Variants in SOCS6 observed in about 807,000 individuals in gnomAD.
SOCS6 encodes suppressor of cytokine signaling 6.
Under a neutral mutation model 27.7 loss-of-function variants are expected in SOCS6, and 5 were observed. The observed-to-expected ratio is 0.18, with a 90% CI of 0.09 to 0.38. The LOEUF (loss-of-function observed/expected upper bound fraction) is 0.38, where lower values mean the gene tolerates loss of function less well. SOCS6 is among the 10% of genes least tolerant of loss of function. The probability of loss-of-function intolerance (pLI) is 1.00; values close to 1 mark genes in which losing one functional copy is unlikely to be tolerated. For synonymous variants in SOCS6, 271 were observed against 260.0 expected, an observed-to-expected ratio of 1.04 and a Z score of -0.41; for missense variants, 595 against 688.1, an observed-to-expected ratio of 0.86 and a Z score of 1.51.
chr18:70,312,273 T>G (rs887083510), intron 1 of SOCS6, among the ~76,000 whole-genome samples: 1 of 152,216 alleles, frequency 6.6e-6, no homozygotes, highest in African/African-American at 2.4e-5. Flanking sequence ...ATATGTGGTC[T>G]GTATTTACCA....
At chr18:70,290,955 G>A (rs1193076390) in intron 1 of SOCS6, among the ~76,000 whole-genome samples, 1 of 152,182 alleles carries the variant, frequency 6.6e-6, no homozygotes, top group African/African-American at 2.4e-5. Context: ...GGAGTGGCAG[G>A]GAAGGAATTT....
chr18:70,315,336 G>C (rs2062407296), intron 1 of SOCS6, among the ~76,000 whole-genome samples: 1 of 152,002 alleles, frequency 6.6e-6, no homozygotes, highest in African/African-American at 2.4e-5. Flanking sequence ...GTAGCTCCTT[G>C]ATCACTTTCT....
intron 1 of SOCS6, among the ~76,000 whole-genome samples, chr18:70,304,221 G>A (rs1191512096): frequency 2.2e-5 from 3 of 139,204 alleles, no homozygotes; most frequent in East Asian, 4.8e-4. Flanking sequence ...AAGATACAAG[G>A]TCAATGCAAC....
chr18:70,323,395 A>T (rs928025245), intron 1 of SOCS6, among the ~76,000 whole-genome samples: 5 of 152,186 alleles, frequency 3.3e-5, no homozygotes, highest in Non-Finnish European at 7.3e-5. Flanking sequence ...CAGAATTGAA[A>T]TCCTGTCATT....
At chr18:70,289,293 G>T (rs1158787346) in intron 1 of SOCS6, among the ~76,000 whole-genome samples, 1 of 149,150 alleles carries the variant, frequency 6.7e-6, no homozygotes, top group Non-Finnish European at 1.5e-5. Flanking sequence ...GTCTCGGCGG[G>T]TGCGCGGGCG....
intron 1 of SOCS6, among the ~76,000 whole-genome samples, chr18:70,320,367 G>C (rs1910939044): frequency 6.6e-6 from 1 of 152,054 alleles, no homozygotes; most frequent in African/African-American, 2.4e-5. Context: ...TATTCATTGA[G>C]TTTTGATATA....
intron 1 of SOCS6, among the ~76,000 whole-genome samples, chr18:70,294,597 G>A (rs560439402): frequency 2.6e-5 from 4 of 152,336 alleles, no homozygotes; most frequent in East Asian, 3.8e-4. Flanking sequence ...TGTTAAGGAA[G>A]CCTAATGTGG....
chr18:70,305,190 A>G (rs2062364177), intron 1 of SOCS6, among the ~76,000 whole-genome samples: 2 of 152,198 alleles, frequency 1.3e-5, no homozygotes, highest in South Asian at 4.1e-4. Flanking sequence ...CCTGAGCAAC[A>G]GAGCAAGACG....
chr18:70,317,299 G>A (rs778082681), intron 1 of SOCS6, among the ~76,000 whole-genome samples: 1 of 152,148 alleles, frequency 6.6e-6, no homozygotes, highest in South Asian at 2.1e-4. Flanking sequence ...GAGAACATAC[G>A]ATGTTTGATT....
chr18:70,299,219 A>G (rs117672407), intron 1 of SOCS6, among the ~76,000 whole-genome samples: 3,895 of 152,280 alleles, frequency 0.026, 90 homozygotes, highest in South Asian at 0.078. Context: ...GAGTCCCATG[A>G]GACTGCCCCG....
chr18:70,294,190 A>G (rs893353563), intron 1 of SOCS6, among the ~76,000 whole-genome samples: 17 of 151,870 alleles, frequency 1.1e-4, no homozygotes, highest in Admixed American at 9.8e-4. Flanking sequence ...CTAGTATTCT[A>G]CTCCTTTATC....
intron 1 of SOCS6, among the ~76,000 whole-genome samples, chr18:70,296,256 G>A (rs955313991): frequency 6.6e-6 from 1 of 152,158 alleles, no homozygotes; most frequent in Non-Finnish European, 1.5e-5. Context: ...GCCTGGCTGT[G>A]TATAAAATTT....
rs149523306 is a variant in SOCS6 at position 70,302,710 on chromosome 18, T to G, written c.-127+13620T>G. 2.6e-3 allele frequency among the ~76,000 whole-genome samples: 399 copies of G among 152,224 alleles called. 3 individuals are homozygous for G. Among genetic ancestry groups the G allele is most frequent in the African/African-American group, 9.3e-3 (387 of 41,524 alleles). On this transcript the variant is annotated intron_variant, in intron 1 of 1. Transcript: ENST00000397942. Reference sequence around the variant, plus strand: ...GAAAAGCTGGTAGGCTTATCACTCTTGTCATTTAGACTTTGAATATTCAAA... The same window carrying G: ...GAAAAGCTGGTAGGCTTATCACTCTGGTCATTTAGACTTTGAATATTCAAA...
intron 1 of SOCS6, among the ~76,000 whole-genome samples, chr18:70,289,466 C>A (rs1341680416): frequency 6.8e-6 from 1 of 147,288 alleles, no homozygotes; most frequent in African/African-American, 2.4e-5. Context: ...GGCGCGCCGG[C>A]CTGGGCCGCC....
chr18:70,324,801 A>G lies in SOCS6; in HGVS notation c.133A>G (p.Ser45Gly), dbSNP rs765204358. The G allele has an allele frequency of 4.3e-6, 7 of 1,614,106 alleles. No homozygotes were observed. The highest frequency in any genetic ancestry group is 5.9e-6 in the Non-Finnish European group (7 of 1,180,040). The change falls in exon 2 of 2, where the codon AGC (serine) becomes GGC (glycine). Residue 45 changes from serine to glycine, a missense_variant. By Grantham distance (56) the Ser-to-Gly change is moderately conservative (BLOSUM62 0). Transcript: ENST00000397942. ...DFGKDDSLFG[S>G]CYGKDMASCD... Reference sequence around the variant, plus strand: ...TGGAAAAGATGATTCCTTATTTGGTAGCTGCTATGGTAAAGATATGGCCAG... The same window carrying G: ...TGGAAAAGATGATTCCTTATTTGGTGGCTGCTATGGTAAAGATATGGCCAG...
At position 70,326,439 on chromosome 18, in the gene SOCS6, G is replaced by A. The variant is rs1308726644; in HGVS notation, c.*163G>A. On this transcript the variant is annotated 3_prime_UTR_variant, in exon 2 of 2. Transcript: ENST00000397942. ...TTTAGGGGTGGGGAAGTGTCAGCAAGGTGTCTTGGGTTTATTTTGGTTCTT... is the reference window on the plus strand; with the variant it reads ...TTTAGGGGTGGGGAAGTGTCAGCAAAGTGTCTTGGGTTTATTTTGGTTCTT... 1.6e-6 allele frequency: 1 copy of A among 630,704 alleles called. No individual in the cohort carries two copies. Among genetic ancestry groups the A allele is most frequent in the African/African-American group, 1.8e-5 (1 of 54,120 alleles). The allele number at this position is 630,704 out of a possible 1,614,324, so 39.1% of individuals were successfully genotyped here.
At chr18:70,313,941 G>T (rs987032429) in intron 1 of SOCS6, among the ~76,000 whole-genome samples, 1 of 152,182 alleles carries the variant, frequency 6.6e-6, no homozygotes, top group Non-Finnish European at 1.5e-5. Flanking sequence ...AGAACAAGAT[G>T]TGTCTATGTA....
At chr18:70,297,538 T>C (rs2062329726) in intron 1 of SOCS6, among the ~76,000 whole-genome samples, 1 of 152,240 alleles carries the variant, frequency 6.6e-6, no homozygotes, top group South Asian at 2.1e-4. Context: ...TGCCTGCTGA[T>C]CTGTAGTGGG....
chr18:70,319,901 T>A (rs1296233043), intron 1 of SOCS6, among the ~76,000 whole-genome samples: 1 of 152,222 alleles, frequency 6.6e-6, no homozygotes, highest in African/African-American at 2.4e-5. Context: ...TTATTCCATG[T>A]GTTTTAACAG....
Sources: allele counts gnomAD v4.1 joint callset (sites outside exome capture counted in the v4.1 genomes callset), GRCh38; gene constraint gnomAD v4.1.1; transcripts MANE v1.5; gene names NCBI Gene and HGNC (gene_info 2026-07-23, HGNC 2026-07-21).